The following DSTYK variants were observed in gnomAD, a reference collection of about 807,000 sequenced individuals.
DSTYK encodes the protein RIP-homologous kinase.
In DSTYK, 34 loss-of-function variants were observed where a neutral mutation model predicts 98.7. The observed-to-expected ratio is 0.34, with a 90% CI of 0.26 to 0.46. The LOEUF is 0.46. DSTYK is among the 20% of genes least tolerant of loss of function. The pLI, the probability that DSTYK is intolerant of heterozygous loss-of-function variation, is 1.00. For missense variants in DSTYK, 962 were observed against 1,181.7 expected, an observed-to-expected ratio of 0.81 and a Z score of 2.73; for synonymous variants, 462 against 457.3, an observed-to-expected ratio of 1.01 and a Z score of -0.13.
intron 1 of DSTYK, among the ~76,000 whole-genome samples, chr1:205,199,628 C>T (rs183165897): frequency 5.3e-5 from 8 of 152,248 alleles, no homozygotes; most frequent in Admixed American, 5.2e-4. Flanking sequence ...GACTGGACAT[C>T]CTCCCACGGC....
intron 1 of DSTYK, among the ~76,000 whole-genome samples, chr1:205,199,034 A>AT (rs1053791263): frequency 1.3e-5 from 2 of 152,078 alleles, no homozygotes; most frequent in Admixed American, 6.6e-5. Flanking sequence ...AATAAGTGGA[A>AT]TTTTTTTAAA....
At chr1:205,177,481 T>C (rs1462261025) in intron 2 of DSTYK, among the ~76,000 whole-genome samples, 2 of 152,218 alleles carry the variant, frequency 1.3e-5, no homozygotes, top group East Asian at 3.8e-4. Context: ...GCTGATTCTT[T>C]TTCATTTCTA....
chr1:205,163,499 G>A (rs1308356024), intron 4 of DSTYK, among the ~76,000 whole-genome samples: 3 of 152,176 alleles, frequency 2.0e-5, no homozygotes, highest in African/African-American at 4.8e-5. Context: ...GATTACAGGC[G>A]TGAGCCACTG....
In DSTYK at chr1:205,169,576, T is replaced by C. The variant is rs1380493812; in HGVS notation, c.911A>G (p.Tyr304Cys). 3.1e-6 allele frequency: 5 copies of C among 1,614,096 alleles called. No homozygotes were observed. The highest frequency in any genetic ancestry group is 4.5e-5 in the East Asian group (2 of 44,894). The stretch of plus-strand genomic sequence containing the variant: ...ATAGCCCAGGTCAATTAGCTGGCGA[T>C]AAAGCGGTGATCTTTCGCTCTCCAT... ...RRMESERSPLYRQLIDLGYLS... is the reference protein window; with the variant it reads ...RRMESERSPLCRQLIDLGYLS... Residue 304 changes from tyrosine (Y) to cysteine (C), a missense_variant, in exon 3 of 13, where the codon TAT becomes TGT. Physicochemically the swap from Tyr to Cys is radical, Grantham distance 194. Around this residue, in one of 4 missense-constraint regions of DSTYK, gnomAD observed 660 missense variants for 855.0 expected, o/e 0.77. Transcript: ENST00000367162. This position sits in a 1 kb window ranked among gnomAD's most constrained non-coding sequence, Gnocchi z 4.0.
intron 5 of DSTYK, 63 bp from the exon 6 acceptor site, chr1:205,162,275 A>C (rs951410899): frequency 1.3e-6 from 2 of 1,567,596 alleles, no homozygotes; most frequent in African/African-American, 2.7e-5. Context: ...ACAAAGATCC[A>C]GTGTCCTTCC....
rs754249242 is a variant in DSTYK at position 205,187,778 on chromosome 1, A to T, written c.294T>A (p.Pro98=). The T allele has an allele frequency of 6.2e-7, 1 of 1,613,408 alleles. No homozygotes were observed. Among genetic ancestry groups the T allele is most frequent in the Admixed American group, 1.7e-5 (1 of 59,938 alleles). ...AGQLSCISFP[P]KEEKYLQQIV... is the part of the protein sequence containing the mutation. ...TCTGCTGGAGGTACTTCTCTTCCTT[A>T]GGTGGGAAGGAAATGCAGCTCAGTT... The change falls in exon 2 of 13, where the codon CCT becomes CCA. Residue 98 remains proline, a synonymous_variant. Coordinates refer to ENST00000367162, the MANE Select transcript of DSTYK (RefSeq NM_015375.3).
intron 2 of DSTYK, among the ~76,000 whole-genome samples, chr1:205,178,765 G>C (rs1033256984): frequency 3.3e-5 from 5 of 152,094 alleles, no homozygotes; most frequent in Admixed American, 3.3e-4. Context: ...GTGGAAATGG[G>C]CTTACTATGT....
At position 205,164,619 on chromosome 1, in the gene DSTYK, G is replaced by A. The variant is rs189775836; in HGVS notation, c.1325-664C>T. Among the ~76,000 whole-genome samples, 664 of 152,044 alleles carry A rather than the reference G, an allele frequency of 4.4e-3. 3 individuals are homozygous for A. The highest frequency in any genetic ancestry group is 4.5e-3 in the Non-Finnish European group (308 of 68,000). ...TGCGACTACAGGCACCCGCCACCAC[G>A]CCTGGCTGATTTTTTGTATTTTTAG... On this transcript the variant is annotated intron_variant, in intron 3 of 12. Transcript: ENST00000367162.
rs113459027 is a variant in DSTYK, at chr1:205,147,619, A to G, written c.2729T>C (p.Met910Thr). Reference protein sequence around the residue: ...GIVQPMLQGIMNRLCKSNSEQ... With the variant: ...GIVQPMLQGITNRLCKSNSEQ... ...AGAATTGGACTTGCAGAGCCGATTC[A>G]TGATGCCCTGGAGCATGGGCTGGAC... The change falls in exon 13 of 13, where the codon ATG (methionine) becomes ACG (threonine). Residue 910 changes from methionine (M) to threonine (T), a missense_variant. Met to Thr is a moderately conservative substitution (Grantham distance 81, BLOSUM62 -1). This residue lies in a region of DSTYK where 65 missense variants were observed against 63.9 expected (regional missense o/e 1.02). Transcript: ENST00000367162. The G allele has an allele frequency of 1.9e-6, 3 of 1,614,078 alleles. No homozygotes were observed. Among genetic ancestry groups the G allele is most frequent in the Non-Finnish European group, 2.5e-6 (3 of 1,179,896 alleles).
chr1:205,198,192 T>C (rs944102683), intron 1 of DSTYK, among the ~76,000 whole-genome samples: 5 of 150,302 alleles, frequency 3.3e-5, no homozygotes, highest in Admixed American at 6.6e-5. Context: ...AAACTCCGTC[T>C]CAAAAAAAAA....
intron 7 of DSTYK, 59 bp from the exon 8 acceptor site, chr1:205,160,329 T>G: frequency 9.4e-6 from 14 of 1,490,934 alleles, no homozygotes; most frequent in Non-Finnish European, 1.3e-5. Flanking sequence ...GGGCAACCTC[T>G]GTAAGATTCT....
At position 205,160,823 on chromosome 1, in the gene DSTYK, C is replaced by G. The variant is rs540827323; in HGVS notation, c.1948+435G>C. ...TTGGAGACAGAGTCTTGCTCTGTCA[C>G]CCAGGCTGCAGTGCAGTGGTATGAT... is the stretch of plus-strand genomic sequence containing the variant. On this transcript the variant is annotated intron_variant, in intron 7 of 12. Transcript: ENST00000367162. 2.7e-3 allele frequency among the ~76,000 whole-genome samples: 417 copies of G among 151,694 alleles called. 7 individuals carry two copies. The highest frequency in any genetic ancestry group is 3.6e-3 in the Non-Finnish European group (246 of 67,930).
intron 1 of DSTYK, among the ~76,000 whole-genome samples, chr1:205,188,626 A>G (rs546508638): frequency 3.9e-5 from 6 of 152,322 alleles, no homozygotes; most frequent in Admixed American, 2.0e-4. Context: ...ATTATCTACC[A>G]TATGCGGTTT....
In DSTYK at chr1:205,146,073, G is replaced by A. The variant is rs780604601; in HGVS notation, c.*1485C>T. ...GGCACACACAGAACTACCAGAGGAGGGTTTTTCTCTTTCGTCTGCTGCTTT... is the reference window on the plus strand; with the variant it reads ...GGCACACACAGAACTACCAGAGGAGAGTTTTTCTCTTTCGTCTGCTGCTTT... On this transcript the variant is annotated 3_prime_UTR_variant, in exon 13 of 13. Coordinates refer to ENST00000367162, the MANE Select transcript of DSTYK (RefSeq NM_015375.3). 2.0e-5 allele frequency: 3 copies of A among 152,172 alleles called. No homozygotes were observed. The highest frequency in any genetic ancestry group is 6.5e-5 in the Admixed American group (1 of 15,284). The allele number at this position is 152,172 out of a possible 1,614,324, so 9.4% of individuals were successfully genotyped here.
intron 1 of DSTYK, among the ~76,000 whole-genome samples, chr1:205,205,770 A>G (rs1364920499): frequency 6.6e-6 from 1 of 152,150 alleles, no homozygotes; most frequent in Admixed American, 6.6e-5. Flanking sequence ...AAATAAGTAC[A>G]CTAGTGCTTT....
intron 1 of DSTYK, among the ~76,000 whole-genome samples, chr1:205,188,663 T>A (rs1354399323): frequency 6.6e-6 from 1 of 152,236 alleles, no homozygotes; most frequent in Non-Finnish European, 1.5e-5. Flanking sequence ...TTGTGACATA[T>A]TTTACTACTA....
Position 205,175,313 on chromosome 1 carries a change from C to T in DSTYK, c.655-5481G>A, listed in dbSNP as rs373766835. ...TTCACCATGTTATCCAGGATGGTCT[C>T]GATCTCCTGACCTCGTGATCCGCCT... On this transcript the variant is annotated intron_variant, in intron 2 of 12. Transcript: ENST00000367162. Among the ~76,000 whole-genome samples the T allele has an allele frequency of 1.7e-4, 25 of 150,278 alleles. No homozygotes were observed. In the East Asian group the frequency reaches 1.8e-3, roughly 11 times the overall value.
chr1:205,197,964 C>T (rs555155805), intron 1 of DSTYK, among the ~76,000 whole-genome samples: 5 of 152,260 alleles, frequency 3.3e-5, no homozygotes, highest in Admixed American at 3.3e-4. Context: ...GAGGCTGAGG[C>T]GGGCGGATCA....
At chr1:205,186,886 C>T (rs1053185569) in intron 2 of DSTYK, among the ~76,000 whole-genome samples, 2 of 152,144 alleles carry the variant, frequency 1.3e-5, no homozygotes, top group Non-Finnish European at 2.9e-5. Flanking sequence ...TCCTCACATT[C>T]CCATGTTCCT....
Sources: gnomAD v4.1 joint callset for allele counts (sites outside exome capture counted in the v4.1 genomes callset) on GRCh38, gnomAD v4.1.1 for gene constraint, gnomAD v4.1.1 regional missense constraint, Gnocchi (gnomAD v3.1) non-coding constraint, MANE v1.5 for transcripts, NCBI Gene and HGNC (gene_info 2026-07-23, HGNC 2026-07-21) for gene names.